ZNF638: variants seen among roughly 807,000 people sequenced by gnomAD.
ZNF638 encodes the protein CTCL tumor antigen se33-1.
In ZNF638, 46 loss-of-function variants were observed where a neutral mutation model predicts 195.6. The observed-to-expected ratio is 0.24, with a 90% confidence interval of 0.19 to 0.30. The LOEUF (loss-of-function observed/expected upper bound fraction) is 0.30, where lower values mean the gene tolerates loss of function less well. Among genes scored for constraint, ZNF638 ranks in the 10% least tolerant of loss-of-function variants. The pLI is 1.00. For missense variants in ZNF638, 2,440 were observed against 2,325.3 expected, an observed-to-expected ratio of 1.05 and a Z score of -1.01; for synonymous variants, 845 against 772.0, an observed-to-expected ratio of 1.09 and a Z score of -1.57.
In ZNF638 at chr2:71,348,903, T is replaced by G. The variant is rs1349568745; in HGVS notation, c.-52T>G. ...AGCAGCTGAATGCCGTTGCCTCACA[T>G]GGTTCAACACCACCTTATACTTTAT... On this transcript the variant is annotated 5_prime_UTR_variant, in exon 2 of 28. An upstream start codon of the reference 5' UTR is lost. Transcript: ENST00000264447. 1 of 1,614,126 alleles carries G rather than the reference T, an allele frequency of 6.2e-7. No homozygotes were observed. Among genetic ancestry groups the G allele is most frequent in the South Asian group, 1.1e-5 (1 of 91,054 alleles).
In ZNF638 at chr2:71,426,493, G is replaced by T. The variant is rs747750667; in HGVS notation, c.4624G>T (p.Val1542Phe). 1.9e-6 allele frequency: 3 copies of T among 1,584,678 alleles called. No homozygotes were observed. Among genetic ancestry groups the T allele is most frequent in the African/African-American group, 1.4e-5 (1 of 72,988 alleles). The change falls in exon 24 of 28, where the codon GTT (valine) becomes TTT (phenylalanine). Residue 1542 changes from valine to phenylalanine, a missense_variant. By Grantham distance (50) the Val-to-Phe change is conservative. Around this residue, in one of 5 missense-constraint regions of ZNF638, gnomAD observed 1,883 missense variants for 1,739.1 expected, o/e 1.08. Coordinates refer to ENST00000264447, the MANE Select transcript of ZNF638 (RefSeq NM_014497.5). Reference protein sequence around the residue: ...PLFPFNLDEFVTVDEVIEEVN... With the variant: ...PLFPFNLDEFFTVDEVIEEVN... ...ATTTCCATTTAATTTGGATGAATTTGTTACTGTGGATGAGGTTATAGAAGA... is the reference window on the plus strand; with the variant it reads ...ATTTCCATTTAATTTGGATGAATTTTTTACTGTGGATGAGGTTATAGAAGA...
intron 6 of ZNF638, among the ~76,000 whole-genome samples, chr2:71,366,605 G>A (rs2079204534): frequency 6.6e-6 from 1 of 152,178 alleles, no homozygotes; most frequent in South Asian, 2.1e-4. Flanking sequence ...AGATCACTGT[G>A]ATGAGTTTTG....
In ZNF638 at chr2:71,349,577, T is replaced by C; in HGVS notation, c.623T>C (p.Val208Ala). ...TLGSEAVSSNVIDYGHASKYG... is the reference protein window; with the variant it reads ...TLGSEAVSSNAIDYGHASKYG... ...GGTAGTGAAGCAGTTTCAAGTAATG[T>C]GATCGATTATGGGCATGCAAGCAAA... The change falls in exon 2 of 28, where the codon GTG becomes GCG. Residue 208 changes from valine to alanine, a missense_variant. Physicochemically the swap from Val to Ala is moderately conservative, Grantham distance 64. This residue lies in a region of ZNF638 where 305 missense variants were observed against 283.6 expected (regional missense o/e 1.08). Transcript: ENST00000264447. 1 of 1,614,190 alleles carries C rather than the reference T, an allele frequency of 6.2e-7. No homozygotes were observed. Among genetic ancestry groups the C allele is most frequent in the Non-Finnish European group, 8.5e-7 (1 of 1,180,036 alleles).
intron 10 of ZNF638, chr2:71,388,795 A>G (rs1263737080): frequency 4.9e-6 from 4 of 811,472 alleles, no homozygotes; most frequent in African/African-American, 1.7e-5. Flanking sequence ...ATCATGAGAC[A>G]ACAGCTGTCC....
chr2:71,347,794 A>G (rs2078875890), intron 1 of ZNF638, among the ~76,000 whole-genome samples: 1 of 152,192 alleles, frequency 6.6e-6, no homozygotes, highest in Non-Finnish European at 1.5e-5. Flanking sequence ...GTGCCTGGAA[A>G]CTGTAAGTTA....
chr2:71,411,497 T>G (rs2080226252), intron 20 of ZNF638, among the ~76,000 whole-genome samples: 1 of 132,458 alleles, frequency 7.5e-6, no homozygotes, highest in African/African-American at 2.7e-5. Context: ...TATTATACTC[T>G]AAGTTTTAGG....
intron 10 of ZNF638, among the ~76,000 whole-genome samples, chr2:71,391,271 T>C (rs529280786): frequency 2.6e-5 from 4 of 152,318 alleles, no homozygotes; most frequent in Non-Finnish European, 5.9e-5. Flanking sequence ...ATAGTCGATA[T>C]TGACTTAAAA....
chr2:71,400,430 A>G (rs1367338979), intron 14 of ZNF638, 48 bp from the exon 15 acceptor site: 3 of 1,554,040 alleles, frequency 1.9e-6, no homozygotes, highest in South Asian at 2.4e-5. Flanking sequence ...ATAAAGTAGG[A>G]TCTTGATAAG....
intron 22 of ZNF638, 45 bp from the exon 23 acceptor site, chr2:71,424,605 T>C (rs746749139): frequency 1.2e-5 from 18 of 1,465,720 alleles, no homozygotes; most frequent in Non-Finnish European, 1.7e-5. Context: ...ATTAATAATA[T>C]GGTTGTAAAT....
At chr2:71,379,375 C>T (rs1032759271) in intron 8 of ZNF638, 2 of 152,144 alleles carry the variant, frequency 1.3e-5, no homozygotes, top group Non-Finnish European at 2.9e-5. Flanking sequence ...TCATGCAGTC[C>T]AACTCCAGCC....
chr2:71,390,316 A>T (rs2079746589), intron 10 of ZNF638, among the ~76,000 whole-genome samples: 1 of 152,166 alleles, frequency 6.6e-6, no homozygotes, highest in Non-Finnish European at 1.5e-5. Context: ...GGAGCGCAGG[A>T]TTGGGCTTAC....
At chr2:71,363,826 G>A (rs531584497) in intron 4 of ZNF638, 128 bp from the exon 5 acceptor site, 8 of 1,193,060 alleles carry the variant, frequency 6.7e-6, no homozygotes, top group South Asian at 1.6e-5. Flanking sequence ...TTTGTTTTAA[G>A]TACATATCTT....
intron 15 of ZNF638, among the ~76,000 whole-genome samples, chr2:71,401,161 A>G: frequency 6.6e-6 from 1 of 152,130 alleles, no homozygotes; most frequent in South Asian, 2.1e-4. Flanking sequence ...GTAAAGTCAC[A>G]CTAAACTGGT....
chr2:71,390,580 G>C (rs761435253), intron 10 of ZNF638, among the ~76,000 whole-genome samples: 1 of 152,074 alleles, frequency 6.6e-6, no homozygotes, highest in Non-Finnish European at 1.5e-5. Context: ...TACCGTACTG[G>C]GTCCCCAATG....
At chr2:71,360,712 C>T (rs2079094533) in intron 3 of ZNF638, among the ~76,000 whole-genome samples, 2 of 152,082 alleles carry the variant, frequency 1.3e-5, no homozygotes, top group African/African-American at 4.8e-5. Context: ...TCACTGAGAA[C>T]ATTTTTGTTG....
In ZNF638 at chr2:71,423,276, T is replaced by A; in HGVS notation, c.3762T>A (p.Ile1254=). The A allele has an allele frequency of 6.2e-7, 1 of 1,613,976 alleles. No individual in the cohort carries two copies. Among genetic ancestry groups the A allele is most frequent in the Non-Finnish European group, 8.5e-7 (1 of 1,179,966 alleles). The change falls in exon 22 of 28, where the codon ATT becomes ATA. Residue 1254 remains isoleucine (I), a synonymous_variant. Transcript: ENST00000264447. The part of the protein sequence containing the change: ...PSEAEDFISG[I]TQTMVEAVAE... ...AAGCAGAAGATTTCATTTCTGGAAT[T>A]ACACAGACTATGGTAGAAGCTGTAG...
At chr2:71,365,342 T>G in intron 5 of ZNF638, 87 bp from the exon 6 acceptor site, 37 of 1,100,434 alleles carry the variant, frequency 3.4e-5, no homozygotes, top group Non-Finnish European at 4.2e-5. Context: ...CTGTTTAGCT[T>G]GAGAATAGCA....
chr2:71,434,820 A>G lies in ZNF638; in HGVS notation c.*13A>G, dbSNP rs1223248236. ...AAGCTCTAGGTGATTGGGGGAAAGG[A>G]AAGAATTCACTAGAAATTTGTTTAG... On this transcript the variant is annotated 3_prime_UTR_variant, in exon 28 of 28. Coordinates refer to ENST00000264447, the MANE Select transcript of ZNF638 (RefSeq NM_014497.5). The G allele has an allele frequency of 1.3e-6, 2 of 1,584,554 alleles. No individual in the cohort carries two copies. Among genetic ancestry groups the G allele is most frequent in the East Asian group, 2.3e-5 (1 of 44,372 alleles).
chr2:71,356,803 T>C (rs2079032171), intron 3 of ZNF638, among the ~76,000 whole-genome samples: 1 of 152,010 alleles, frequency 6.6e-6, no homozygotes, highest in Non-Finnish European at 1.5e-5. Flanking sequence ...AATTTTTTTT[T>C]TTTAAGTAAG....
Sources: gnomAD v4.1 joint callset for allele counts (sites outside exome capture counted in the v4.1 genomes callset) on GRCh38, gnomAD v4.1.1 for gene constraint, gnomAD v4.1.1 regional missense constraint, MANE v1.5 for transcripts, NCBI Gene and HGNC (gene_info 2026-07-23, HGNC 2026-07-21) for gene names.